GADL1: variants seen among roughly 807,000 people sequenced by gnomAD.
GADL1 encodes the protein acidic amino acid decarboxylase GADL1.
In GADL1, 71 loss-of-function variants were observed where a neutral mutation model predicts 69.5. The ratio of observed to expected loss-of-function variants is 1.02; its 90% confidence interval spans 0.84 to 1.25. The LOEUF (loss-of-function observed/expected upper bound fraction) is 1.25, where lower values mean the gene tolerates loss of function less well. Among genes scored for constraint, GADL1 ranks in the 50% most tolerant of loss-of-function variants. GADL1 has a pLI of 0.00. For synonymous variants in GADL1, 254 were observed against 214.4 expected, an observed-to-expected ratio of 1.18 and a Z score of -1.62; for missense variants, 737 against 631.8, an observed-to-expected ratio of 1.17 and a Z score of -1.79.
intron 14 of GADL1, among the ~76,000 whole-genome samples, chr3:30,764,492 T>C (rs960856908): frequency 4.6e-5 from 7 of 152,226 alleles, no homozygotes; most frequent in Non-Finnish European, 1.0e-4. Flanking sequence ...CAAGTGTAGT[T>C]ACATTTTCTT....
chr3:30,854,226 C>G (rs1698192650), intron 4 of GADL1, among the ~76,000 whole-genome samples: 1 of 152,154 alleles, frequency 6.6e-6, no homozygotes, highest in African/African-American at 2.4e-5. Flanking sequence ...GAGCTTCCAA[C>G]TAGGAAAAAT....
At chr3:30,797,224 G>T (rs998179733) in intron 12 of GADL1, among the ~76,000 whole-genome samples, 6 of 152,082 alleles carry the variant, frequency 3.9e-5, no homozygotes, top group Admixed American at 6.6e-5. Flanking sequence ...CACCCCAGCT[G>T]CTGTGATATG....
intron 11 of GADL1, among the ~76,000 whole-genome samples, chr3:30,816,555 T>C: frequency 9.8e-6 from 1 of 102,388 alleles, no homozygotes; most frequent in African/African-American, 4.7e-5. Context: ...TTTTTTTTTT[T>C]TTTTTTTTTT....
At chr3:30,823,893 GAA>G (rs988631765) in intron 11 of GADL1, among the ~76,000 whole-genome samples, 5 of 151,906 alleles carry the variant, frequency 3.3e-5, no homozygotes, top group East Asian at 1.9e-4. Flanking sequence ...CAGCTGAAGA[GAA>G]AGAATTTCAA....
intron 14 of GADL1, among the ~76,000 whole-genome samples, chr3:30,767,680 C>A (rs1376774044): frequency 6.6e-6 from 1 of 152,138 alleles, no homozygotes; most frequent in African/African-American, 2.4e-5. Flanking sequence ...ACAGTAACTT[C>A]AGCTTTGAAG....
intron 14 of GADL1, among the ~76,000 whole-genome samples, chr3:30,733,478 A>C (rs1695495626): frequency 6.6e-6 from 1 of 152,142 alleles, no homozygotes; most frequent in African/African-American, 2.4e-5. Flanking sequence ...TTCATGGAAA[A>C]AATTGGCATG....
At chr3:30,749,208 G>T (rs1160074962) in intron 14 of GADL1, among the ~76,000 whole-genome samples, 1 of 152,046 alleles carries the variant, frequency 6.6e-6, no homozygotes, top group African/African-American at 2.4e-5. Context: ...ATTCTATCCA[G>T]TCTTAAATGG....
At chr3:30,823,045 A>C (rs9851310) in intron 11 of GADL1, among the ~76,000 whole-genome samples, 24,192 of 151,960 alleles carry the variant, frequency 0.16, 1,994 homozygotes, top group Middle Eastern at 0.21. Context: ...TGAATTAAAG[A>C]CCTTCCCACT....
intron 13 of GADL1, among the ~76,000 whole-genome samples, chr3:30,780,624 C>T (rs1461191909): frequency 1.3e-5 from 2 of 152,246 alleles, no homozygotes; most frequent in Admixed American, 6.5e-5. Flanking sequence ...CATTACAAAA[C>T]AGTTTACGAT....
chr3:30,743,438 A>G (rs1695654969), intron 14 of GADL1, among the ~76,000 whole-genome samples: 1 of 152,258 alleles, frequency 6.6e-6, no homozygotes, highest in African/African-American at 2.4e-5. Context: ...GGAAGCAAAC[A>G]CAAGCTGTCA....
At chr3:30,884,103 A>G (rs76551892) in intron 1 of GADL1, among the ~76,000 whole-genome samples, 4,391 of 151,964 alleles carry the variant, frequency 0.029, 177 homozygotes, top group African/African-American at 0.089. Context: ...GAAGGGAATG[A>G]GAGGGATGCA....
At chr3:30,768,286 C>T (rs1182867742) in intron 14 of GADL1, among the ~76,000 whole-genome samples, 1 of 152,014 alleles carries the variant, frequency 6.6e-6, no homozygotes, top group Non-Finnish European at 1.5e-5. Flanking sequence ...ATAGCAAAAC[C>T]CTGGAAACCT....
intron 14 of GADL1, among the ~76,000 whole-genome samples, chr3:30,762,831 CAT>C: frequency 7.2e-6 from 1 of 138,126 alleles, no homozygotes; most frequent in South Asian, 2.3e-4. Flanking sequence ...TAACTGAAAA[CAT>C]GTGATGTTAG....
chr3:30,863,659 C>A (rs533227594), intron 1 of GADL1, among the ~76,000 whole-genome samples: 3 of 151,844 alleles, frequency 2.0e-5, no homozygotes, highest in African/African-American at 4.8e-5. Context: ...AGCACTGTAC[C>A]TCACACAGTA....
chr3:30,759,585 G>A (rs867936143), intron 14 of GADL1, among the ~76,000 whole-genome samples: 6 of 152,122 alleles, frequency 3.9e-5, no homozygotes, highest in South Asian at 2.1e-4. Context: ...GCCTAATTTT[G>A]AATTGTCACT....
chr3:30,754,944 A>AC (rs1695932876), intron 14 of GADL1, among the ~76,000 whole-genome samples: 1 of 152,112 alleles, frequency 6.6e-6, no homozygotes, highest in Non-Finnish European at 1.5e-5. Context: ...ATATTGAAAA[A>AC]CCAAGAGACT....
intron 11 of GADL1, among the ~76,000 whole-genome samples, chr3:30,817,477 C>CT (rs1330719747): frequency 6.6e-6 from 1 of 152,074 alleles, no homozygotes. Context: ...TTCAATTGAA[C>CT]TTTTTAAGTG....
At chr3:30,787,514 A>T (rs1696822870) in intron 12 of GADL1, among the ~76,000 whole-genome samples, 2 of 152,124 alleles carry the variant, frequency 1.3e-5, no homozygotes, top group South Asian at 4.1e-4. Context: ...CAAATCTAGG[A>T]CTCAAACATA....
Position 30,894,652 on chromosome 3 carries a change from C to A in GADL1, c.-38G>T. On this transcript the variant is annotated 5_prime_UTR_variant, in exon 1 of 15. Coordinates refer to ENST00000282538, the MANE Select transcript of GADL1 (RefSeq NM_207359.3). ...ACTCCAGGCTGCCCCGGGCGCGGCT[C>A]CCGCAGTCTGGGCGGCGACGGTGGT... The A allele has an allele frequency of 6.5e-7, 1 of 1,545,186 alleles. No homozygotes were observed. The highest frequency in any genetic ancestry group is 8.8e-7 in the Non-Finnish European group (1 of 1,142,530).
Sources: allele counts gnomAD v4.1 joint callset (sites outside exome capture counted in the v4.1 genomes callset), GRCh38; gene constraint gnomAD v4.1.1; transcripts MANE v1.5; gene names NCBI Gene and HGNC (gene_info 2026-07-23, HGNC 2026-07-21).